Variants in PRKCA observed in about 807,000 individuals in gnomAD.
The protein encoded by PRKCA is protein kinase C alpha, also known as protein kinase C alpha type.
In PRKCA, 27 loss-of-function variants were observed where a neutral mutation model predicts 87.0. The observed-to-expected ratio is 0.31, with a 90% CI of 0.23 to 0.43. The LOEUF (loss-of-function observed/expected upper bound fraction) is 0.43, where lower values mean the gene tolerates loss of function less well. Ranked by LOEUF, PRKCA falls within the 20% of genes least tolerant of loss-of-function variation. PRKCA has a pLI of 1.00. For missense variants in PRKCA, 518 were observed against 852.3 expected (o/e 0.61, Z 4.88); for synonymous variants, 329 against 311.1 (o/e 1.06, Z -0.61).
chr17:66,539,672 G>A (rs182410370), intron 3 of PRKCA, among the ~76,000 whole-genome samples: 12 of 152,216 alleles, frequency 7.9e-5, no homozygotes, highest in Admixed American at 7.8e-4. Context: ...CAAAGTTCTG[G>A]GATTACAGGC....
At chr17:66,410,003 G>T (rs148471722) in intron 2 of PRKCA, among the ~76,000 whole-genome samples, 35 of 152,262 alleles carry the variant, frequency 2.3e-4, no homozygotes, top group African/African-American at 7.9e-4. Context: ...TTGTTCACTC[G>T]TTCGTTTGTG....
chr17:66,499,882 G>A (rs1347906995), intron 3 of PRKCA, among the ~76,000 whole-genome samples: 1 of 152,280 alleles, frequency 6.6e-6, no homozygotes. Context: ...ATTCACACCT[G>A]CATCCATACT....
In PRKCA at chr17:66,803,560, C is replaced by T. The variant is rs1222608674; in HGVS notation, c.1855-313C>T. Among the ~76,000 whole-genome samples, 1 of 152,216 alleles carries T rather than the reference C, an allele frequency of 6.6e-6. No individual in the cohort carries two copies. Among genetic ancestry groups the T allele is most frequent in the African/African-American group, 2.4e-5 (1 of 41,470 alleles). The stretch of plus-strand genomic sequence containing the variant: ...CCTGCGTGCGTGGCTTCCGTGCTCT[C>T]AGCTCCGCTTGCTCGGTGAGGTGGA... On this transcript the variant is annotated intron_variant, in intron 16 of 16. Transcript: ENST00000413366. This position sits in a 1 kb window ranked among gnomAD's most constrained non-coding sequence, Gnocchi z 4.4.
At chr17:66,665,268 G>A (rs1336885568) in intron 5 of PRKCA, among the ~76,000 whole-genome samples, 10 of 152,136 alleles carry the variant, frequency 6.6e-5, no homozygotes, top group Admixed American at 6.5e-4. Context: ...GAGGCATAGA[G>A]GATTTCAGGA....
chr17:66,671,443 G>A (rs1014145832), intron 5 of PRKCA, among the ~76,000 whole-genome samples: 1 of 151,996 alleles, frequency 6.6e-6, no homozygotes, highest in East Asian at 1.9e-4. Flanking sequence ...TATAAAATGT[G>A]GATACCAAGT....
chr17:66,555,406 T>C (rs1201929324), intron 3 of PRKCA, among the ~76,000 whole-genome samples: 2 of 152,182 alleles, frequency 1.3e-5, no homozygotes, highest in African/African-American at 2.4e-5. Context: ...TTTTCTGTCA[T>C]ATTGCAGAAT....
intron 16 of PRKCA, among the ~76,000 whole-genome samples, chr17:66,793,799 G>C (rs1463809760): frequency 2.6e-5 from 4 of 152,176 alleles, no homozygotes; most frequent in Non-Finnish European, 5.9e-5. Flanking sequence ...CCAGCAACCA[G>C]AAGGCTCACC....
intron 2 of PRKCA, among the ~76,000 whole-genome samples, chr17:66,387,774 C>T (rs986850571): frequency 2.0e-5 from 3 of 152,278 alleles, no homozygotes; most frequent in Non-Finnish European, 2.9e-5. Flanking sequence ...GAGAAGGAGC[C>T]GCAGGGGTAG....
intron 3 of PRKCA, among the ~76,000 whole-genome samples, chr17:66,565,700 T>A (rs996715954): frequency 2.0e-5 from 3 of 151,890 alleles, no homozygotes; most frequent in African/African-American, 7.3e-5. Context: ...AGATATGTAC[T>A]AATGAAATGC....
intron 3 of PRKCA, among the ~76,000 whole-genome samples, chr17:66,556,881 A>G (rs547435581): frequency 6.6e-6 from 1 of 152,288 alleles, no homozygotes; most frequent in South Asian, 2.1e-4. Context: ...GTATGTCCTT[A>G]TAACAGCATG....
chr17:66,752,990 A>T (rs1568013778), intron 13 of PRKCA, among the ~76,000 whole-genome samples: 1 of 152,244 alleles, frequency 6.6e-6, no homozygotes, highest in Admixed American at 6.5e-5. Context: ...GGGACTAGAT[A>T]AAAAATAGGC....
At chr17:66,697,000 A>G (rs1191987703) in intron 8 of PRKCA, among the ~76,000 whole-genome samples, 1 of 152,064 alleles carries the variant, frequency 6.6e-6, no homozygotes, top group Non-Finnish European at 1.5e-5. Flanking sequence ...TTAGAACCTC[A>G]AGTCAACCCC....
intron 3 of PRKCA, among the ~76,000 whole-genome samples, chr17:66,565,643 C>A (rs761371464): frequency 3.3e-5 from 5 of 152,134 alleles, no homozygotes; most frequent in Non-Finnish European, 7.3e-5. Context: ...CGCGGTGTTT[C>A]TTCCAACATC....
At chr17:66,757,571 GAA>G (rs35540620) in intron 13 of PRKCA, among the ~76,000 whole-genome samples, 4,863 of 116,982 alleles carry the variant, frequency 0.042, 136 homozygotes, top group African/African-American at 0.089. Context: ...GCTTTGGGAG[GAA>G]AAAAAAAAAA....
At chr17:66,518,091 C>T (rs1967029907) in intron 3 of PRKCA, among the ~76,000 whole-genome samples, 1 of 152,044 alleles carries the variant, frequency 6.6e-6, no homozygotes, top group Non-Finnish European at 1.5e-5. Flanking sequence ...GCTGTTGTTC[C>T]AGGATATTTT....
At chr17:66,645,604 C>A in intron 5 of PRKCA, 93 bp downstream of exon 5, 10 of 1,547,882 alleles carry the variant, frequency 6.5e-6, no homozygotes, top group Non-Finnish European at 8.8e-6. Flanking sequence ...GGGCTGGATG[C>A]CCTGAGGCCT....
intron 3 of PRKCA, among the ~76,000 whole-genome samples, chr17:66,497,814 G>A (rs554916385): frequency 6.6e-6 from 1 of 152,196 alleles, no homozygotes; most frequent in Non-Finnish European, 1.5e-5. Flanking sequence ...TTTTTGCAGT[G>A]TGCTCTGAGG....
chr17:66,384,525 A>G (rs957239949), intron 2 of PRKCA, among the ~76,000 whole-genome samples: 2 of 152,156 alleles, frequency 1.3e-5, no homozygotes, highest in Non-Finnish European at 2.9e-5. Flanking sequence ...TGTTTTCTAA[A>G]TTTTTATTCT....
intron 2 of PRKCA, among the ~76,000 whole-genome samples, chr17:66,373,535 A>T (rs1048458910): frequency 1.3e-5 from 2 of 152,222 alleles, no homozygotes; most frequent in Admixed American, 1.3e-4. Flanking sequence ...TTCAAGTTGT[A>T]GGAGTTTGGT....
Sources: allele counts gnomAD v4.1 joint callset (sites outside exome capture counted in the v4.1 genomes callset), GRCh38; gene constraint gnomAD v4.1.1; non-coding constraint Gnocchi (gnomAD v3.1); transcripts MANE v1.5; gene names NCBI Gene and HGNC (gene_info 2026-07-23, HGNC 2026-07-21).